Variants in GSE1 observed in about 807,000 individuals in gnomAD.
The protein encoded by GSE1 is genetic suppressor element 1.
A neutral mutation model predicts 112.6 loss-of-function variants in GSE1; 32 were observed. That is an observed-to-expected ratio of 0.28 (90% CI 0.21 to 0.38). The LOEUF (loss-of-function observed/expected upper bound fraction) is 0.38. Ranked by LOEUF, GSE1 falls within the 10% of genes least tolerant of loss-of-function variation. The probability of loss-of-function intolerance (pLI) is 1.00; values close to 1 mark genes in which losing one functional copy is unlikely to be tolerated. For synonymous variants in GSE1, 1,115 were observed against 735.6 expected (o/e 1.52, Z -8.35); for missense variants, 2,348 against 1,699.2 (o/e 1.38, Z -6.71).
intron 2 of GSE1, among the ~76,000 whole-genome samples, chr16:85,360,526 C>T (rs1205145829): frequency 6.6e-6 from 1 of 152,186 alleles, no homozygotes; most frequent in Admixed American, 6.5e-5. Context: ...TGCTCAGAAA[C>T]GTGACAGTGA....
chr16:85,274,886 G>C (rs1909202123), intron 1 of GSE1, among the ~76,000 whole-genome samples: 1 of 152,246 alleles, frequency 6.6e-6, no homozygotes, highest in Non-Finnish European at 1.5e-5. Flanking sequence ...GATGCATGTG[G>C]GGCCTGGCCC....
intron 1 of GSE1, among the ~76,000 whole-genome samples, chr16:85,179,970 T>C (rs1188400712): frequency 6.6e-6 from 1 of 152,232 alleles, no homozygotes; most frequent in African/African-American, 2.4e-5. Flanking sequence ...CCTCAGCTCC[T>C]GCACAGCTGA....
chr16:85,495,739 C>T (rs1480386766), intron 2 of GSE1, among the ~76,000 whole-genome samples: 4 of 152,264 alleles, frequency 2.6e-5, no homozygotes, highest in Admixed American at 2.6e-4. Flanking sequence ...CTCAGGTGAT[C>T]TGCCCACCTT....
chr16:85,485,974 A>G (rs976397054), intron 2 of GSE1, among the ~76,000 whole-genome samples: 3 of 152,124 alleles, frequency 2.0e-5, no homozygotes, highest in African/African-American at 7.2e-5. Context: ...TCTCCTCCAT[A>G]GGGGCCCTGT....
chr16:85,495,761 G>T (rs903239698), intron 2 of GSE1, among the ~76,000 whole-genome samples: 12 of 152,148 alleles, frequency 7.9e-5, no homozygotes, highest in African/African-American at 2.9e-4. Flanking sequence ...GCCTCCCAAA[G>T]TGCTGGGATT....
chr16:85,186,825 A>AAGG (rs2074712904), intron 1 of GSE1, among the ~76,000 whole-genome samples: 1 of 152,234 alleles, frequency 6.6e-6, no homozygotes, highest in African/African-American at 2.4e-5. Flanking sequence ...GAAATACAGT[A>AAGG]AGGATGATGA....
chr16:85,204,978 C>G (rs2075090424), intron 1 of GSE1, among the ~76,000 whole-genome samples: 1 of 152,176 alleles, frequency 6.6e-6, no homozygotes, highest in Admixed American at 6.5e-5. Context: ...CCCTTAAACC[C>G]CCTAGAATGT....
exon 1 of GSE1, chr16:85,170,612 C>T: frequency 5.1e-6 from 5 of 985,494 alleles, no homozygotes; most frequent in Non-Finnish European, 6.0e-6. Context: ...CGGGCGGCAC[C>T]AGCAGAAGGC....
At chr16:85,476,610 A>T (rs2151857871) in intron 2 of GSE1, among the ~76,000 whole-genome samples, 1 of 151,398 alleles carries the variant, frequency 6.6e-6, no homozygotes, top group South Asian at 2.1e-4. Context: ...TTCCTGGCTG[A>T]CCCACTGTGA....
intron 11 of GSE1, among the ~76,000 whole-genome samples, chr16:85,664,239 G>C (rs555109270): frequency 6.6e-6 from 1 of 152,238 alleles, no homozygotes; most frequent in African/African-American, 2.4e-5. Context: ...AGATGTTGAC[G>C]TTCCTGGCCC....
chr16:85,262,098 CT>C (rs1410561353), intron 1 of GSE1, among the ~76,000 whole-genome samples: 1 of 152,228 alleles, frequency 6.6e-6, no homozygotes, highest in African/African-American at 2.4e-5. Context: ...AACCACTTCA[CT>C]GGCATCTCCC....
intron 2 of GSE1, among the ~76,000 whole-genome samples, chr16:85,393,175 G>A (rs929551105): frequency 1.3e-5 from 2 of 152,218 alleles, no homozygotes; most frequent in African/African-American, 4.8e-5. Context: ...AGGCTGAAGT[G>A]GGAAGATCAC....
At chr16:85,263,623 A>T (rs1385958432) in intron 1 of GSE1, among the ~76,000 whole-genome samples, 2 of 148,370 alleles carry the variant, frequency 1.3e-5, no homozygotes, top group Non-Finnish European at 3.0e-5. Context: ...CCCAGGCTGG[A>T]GTGCAATGGA....
chr16:85,664,073 C>G (rs1261033511), intron 11 of GSE1, among the ~76,000 whole-genome samples: 2 of 152,388 alleles, frequency 1.3e-5, no homozygotes, highest in Non-Finnish European at 1.5e-5. Flanking sequence ...AGATGGCTTG[C>G]CTTGAAAGAT....
intron 2 of GSE1, among the ~76,000 whole-genome samples, chr16:85,503,816 C>G (rs1412299157): frequency 6.6e-6 from 1 of 152,198 alleles, no homozygotes; most frequent in Non-Finnish European, 1.5e-5. Context: ...TCATTTGATA[C>G]AAGACTATCA....
chr16:85,581,938 C>T (rs1023556355), intron 1 of GSE1: 1 of 152,116 alleles, frequency 6.6e-6, no homozygotes, highest in African/African-American at 2.4e-5. Flanking sequence ...TGGGGTGGGG[C>T]CTGGGAGTCT....
At chr16:85,185,957 G>T (rs2074691458) in intron 1 of GSE1, among the ~76,000 whole-genome samples, 1 of 152,242 alleles carries the variant, frequency 6.6e-6, no homozygotes, top group Non-Finnish European at 1.5e-5. Context: ...GCAGGGTGAT[G>T]GGTGGGTTCG....
intron 1 of GSE1, among the ~76,000 whole-genome samples, chr16:85,266,952 G>T (rs1908309256): frequency 6.6e-6 from 1 of 152,314 alleles, no homozygotes; most frequent in South Asian, 2.1e-4. Context: ...TCAGCGCGGG[G>T]ACAGGAGGGA....
intron 1 of GSE1, among the ~76,000 whole-genome samples, chr16:85,277,938 C>CG (rs1909532151): frequency 6.6e-6 from 1 of 152,194 alleles, no homozygotes. Flanking sequence ...CTGGGGTCAG[C>CG]GGGTCCCTAG....
Sources: gnomAD v4.1 joint callset for allele counts (sites outside exome capture counted in the v4.1 genomes callset) on GRCh38, gnomAD v4.1.1 for gene constraint, MANE v1.5 for transcripts, NCBI Gene and HGNC (gene_info 2026-07-23, HGNC 2026-07-21) for gene names.